PTPRD: variants seen among roughly 807,000 people sequenced by gnomAD.
PTPRD encodes the protein protein tyrosine phosphatase receptor type D.
A neutral mutation model predicts 214.5 loss-of-function variants in PTPRD; 34 were observed. That is an observed-to-expected ratio of 0.16 (90% CI 0.12 to 0.21). The LOEUF (loss-of-function observed/expected upper bound fraction) is 0.21, where lower values mean the gene tolerates loss of function less well. Among genes scored for constraint, PTPRD ranks in the 10% least tolerant of loss-of-function variants. PTPRD has a pLI of 1.00. For synonymous variants in PTPRD, 1,128 were observed against 845.7 expected, an observed-to-expected ratio of 1.33 and a Z score of -5.79; for missense variants, 2,545 against 2,398.7, an observed-to-expected ratio of 1.06 and a Z score of -1.27.
At chr9:10,329,528 C>G (rs1476707950) in intron 3 of PTPRD, among the ~76,000 whole-genome samples, 1 of 151,748 alleles carries the variant, frequency 6.6e-6, no homozygotes, top group Non-Finnish European at 1.5e-5. Context: ...GATAGGTAAT[C>G]AAATGGTCTG....
Position 10,035,202 on chromosome 9 carries a change from A to G in PTPRD, c.-544-1412T>C, listed in dbSNP as rs562750609. 2.6e-5 allele frequency among the ~76,000 whole-genome samples: 4 copies of G among 152,226 alleles called. No homozygotes were observed. In the South Asian group the frequency reaches 6.2e-4, roughly 24 times the overall value. Reference sequence around the variant, plus strand: ...TTAATTTGCATTTCTCTAATGATCAATGATGAGCTTTTTTTCAATATGGTT... The same window carrying G: ...TTAATTTGCATTTCTCTAATGATCAGTGATGAGCTTTTTTTCAATATGGTT... On this transcript the variant is annotated intron_variant, in intron 3 of 45. Coordinates refer to ENST00000381196, the MANE Select transcript of PTPRD (RefSeq NM_002839.4).
At chr9:10,341,135 G>A (rs960071273) in intron 2 of PTPRD, 118 bp from the exon 3 acceptor site, 1 of 151,912 alleles carries the variant, frequency 6.6e-6, no homozygotes, top group Non-Finnish European at 1.5e-5. Context: ...AGCATTAAAA[G>A]CAGAGTTGTT....
chr9:9,105,949 A>T (rs2099797887), intron 10 of PTPRD, among the ~76,000 whole-genome samples: 2 of 152,090 alleles, frequency 1.3e-5, no homozygotes, highest in South Asian at 4.1e-4. Context: ...GGAAGCATTC[A>T]ACTTCCTAAG....
chr9:8,696,736 C>A (rs530559613), intron 12 of PTPRD, among the ~76,000 whole-genome samples: 5 of 152,192 alleles, frequency 3.3e-5, no homozygotes, highest in African/African-American at 1.2e-4. Context: ...GGTCAACCAA[C>A]GGCCTTGTAA....
chr9:10,432,507 C>G (rs993520073), intron 2 of PTPRD, among the ~76,000 whole-genome samples: 3 of 151,790 alleles, frequency 2.0e-5, no homozygotes, highest in African/African-American at 7.3e-5. Context: ...CTCCTTTTCC[C>G]TCAACACTAA....
At chr9:8,445,863 A>G (rs945292993) in intron 34 of PTPRD, among the ~76,000 whole-genome samples, 74 of 152,274 alleles carry the variant, frequency 4.9e-4, no homozygotes, top group African/African-American at 1.7e-3. Flanking sequence ...CTTTGTTGCC[A>G]CTAACGAACT....
chr9:9,817,736 T>A lies in PTPRD; in HGVS notation c.-367-50885A>T, dbSNP rs186147690. 1.6e-4 allele frequency among the ~76,000 whole-genome samples: 25 copies of A among 152,284 alleles called. 1 individual carries two copies. The highest frequency in any genetic ancestry group is 6.0e-4 in the African/African-American group (25 of 41,580). On this transcript the variant is annotated intron_variant, in intron 5 of 45. Transcript: ENST00000381196. The stretch of plus-strand genomic sequence containing the variant: ...ATTACAGAGAGAAAAACAAAGAGGA[T>A]AACTGTCCTGATACAAGGGTGCCTT...
At chr9:9,331,388 A>G (rs2042259779) in intron 9 of PTPRD, among the ~76,000 whole-genome samples, 1 of 152,088 alleles carries the variant, frequency 6.6e-6, no homozygotes, top group African/African-American at 2.4e-5. Flanking sequence ...GATAATTCAT[A>G]GGTGGTAGAT....
intron 11 of PTPRD, among the ~76,000 whole-genome samples, chr9:8,969,492 T>C (rs574278690): frequency 6.6e-6 from 1 of 152,212 alleles, no homozygotes; most frequent in East Asian, 1.9e-4. Context: ...TAGTTTCATA[T>C]TATACAAGAC....
intron 12 of PTPRD, among the ~76,000 whole-genome samples, chr9:8,692,423 G>A (rs2097826941): frequency 6.6e-6 from 1 of 152,128 alleles, no homozygotes; most frequent in African/African-American, 2.4e-5. Context: ...TCTTAAAACA[G>A]CTTAGCCTAG....
chr9:8,507,480 A>C, intron 21 of PTPRD, 46 bp from the exon 22 acceptor site: 1 of 1,611,382 alleles, frequency 6.2e-7, no homozygotes, highest in Non-Finnish European at 8.5e-7. Context: ...CACCAGGAGT[A>C]TTCACAAAGT....
At chr9:9,707,270 A>G (rs2097640243) in intron 7 of PTPRD, among the ~76,000 whole-genome samples, 1 of 152,190 alleles carries the variant, frequency 6.6e-6, no homozygotes. Context: ...TGTTAAAACA[A>G]AATAAGAATA....
chr9:8,537,749 T>C (rs2077303553), intron 14 of PTPRD, among the ~76,000 whole-genome samples: 1 of 151,986 alleles, frequency 6.6e-6, no homozygotes, highest in Admixed American at 6.6e-5. Context: ...TTTGAGGAGT[T>C]TGCAAGGTAC....
chr9:8,935,583 C>T (rs1011132295), intron 11 of PTPRD, among the ~76,000 whole-genome samples: 2 of 152,104 alleles, frequency 1.3e-5, no homozygotes, highest in African/African-American at 2.4e-5. Context: ...GGAAGCCTAA[C>T]GAATGAATGC....
intron 8 of PTPRD, among the ~76,000 whole-genome samples, chr9:9,477,333 T>C (rs1310121804): frequency 6.6e-6 from 1 of 152,232 alleles, no homozygotes; most frequent in Non-Finnish European, 1.5e-5. Context: ...ATTAACAGCA[T>C]GAGGATGCTC....
intron 14 of PTPRD, among the ~76,000 whole-genome samples, chr9:8,532,539 C>T (rs2075982961): frequency 1.3e-5 from 2 of 152,068 alleles, no homozygotes; most frequent in Non-Finnish European, 2.9e-5. Context: ...TGTCAATATG[C>T]TAGTAGCTTT....
At chr9:9,417,041 C>A (rs2077196944) in intron 8 of PTPRD, among the ~76,000 whole-genome samples, 1 of 152,076 alleles carries the variant, frequency 6.6e-6, no homozygotes, top group South Asian at 2.1e-4. Context: ...GAACAAAAAC[C>A]TGGATATACT....
intron 14 of PTPRD, among the ~76,000 whole-genome samples, chr9:8,535,431 A>T (rs2076694775): frequency 6.6e-6 from 1 of 151,956 alleles, no homozygotes; most frequent in Admixed American, 6.6e-5. Flanking sequence ...AGGCTCTTTG[A>T]TTAATCAACA....
chr9:10,449,795 T>C (rs1346929363), intron 2 of PTPRD, among the ~76,000 whole-genome samples: 1 of 151,740 alleles, frequency 6.6e-6, no homozygotes, highest in Non-Finnish European at 1.5e-5. Flanking sequence ...TTTTGTCGAA[T>C]AGAAAAGGGG....
Sources: allele counts gnomAD v4.1 joint callset (sites outside exome capture counted in the v4.1 genomes callset), GRCh38; gene constraint gnomAD v4.1.1; transcripts MANE v1.5; gene names NCBI Gene and HGNC (gene_info 2026-07-23, HGNC 2026-07-21).